The following COL4A4 variants were observed in gnomAD, a reference collection of about 807,000 sequenced individuals.
COL4A4 encodes collagen type IV alpha 4 chain.
A neutral mutation model predicts 192.9 loss-of-function variants in COL4A4; 105 were observed. The ratio of observed to expected loss-of-function variants is 0.54; its 90% CI spans 0.46 to 0.64. COL4A4 has a LOEUF of 0.64. Among genes scored for constraint, COL4A4 ranks in the 30% least tolerant of loss-of-function variants. COL4A4 has a pLI of 0.00. For synonymous variants in COL4A4, 762 were observed against 769.9 expected (o/e 0.99, Z 0.17); for missense variants, 1,967 against 2,169.3 (o/e 0.91, Z 1.85).
At chr2:227,061,709 CAA>C (rs1290968258) in intron 26 of COL4A4, among the ~76,000 whole-genome samples, 1 of 151,960 alleles carries the variant, frequency 6.6e-6, no homozygotes, top group Admixed American at 6.5e-5. Flanking sequence ...TCTAAAGAAA[CAA>C]AGAAGAGTTA....
chr2:227,008,032 ACCC>A lies in COL4A4; in HGVS notation c.4792_4794del (p.Gly1598del). 1 of 1,611,932 alleles carries A rather than the reference ACCC, an allele frequency of 6.2e-7. No homozygotes were observed. The highest frequency in any genetic ancestry group is 8.5e-7 in the Non-Finnish European group (1 of 1,179,994). ...ACGGGACTCACCATCAGGAATGAAT[ACCC>A]GATCCAGAGGCTCCTCCAGGTCTGC... is the stretch of plus-strand genomic sequence containing the variant. On this transcript the variant is annotated inframe_deletion, in exon 47 of 48. Coordinates refer to ENST00000396625, the MANE Select transcript of COL4A4 (RefSeq NM_000092.5).
the COL4A4 span, among the ~76,000 whole-genome samples, chr2:226,986,551 A>G: frequency 6.6e-6 from 1 of 152,250 alleles, no homozygotes; most frequent in African/African-American, 2.4e-5. Context: ...AAAAGAAGAC[A>G]TTTATGTGGC....
intron 35 of COL4A4, among the ~76,000 whole-genome samples, chr2:227,043,528 TAATTA>T (rs1234039507): frequency 6.6e-6 from 1 of 152,212 alleles, no homozygotes; most frequent in African/African-American, 2.4e-5. Context: ...GAGTCAATCT[TAATTA>T]AATTAACTAA....
In COL4A4 at chr2:227,121,109, G is replaced by T. The variant is rs762682812; in HGVS notation, c.232C>A (p.Pro78Thr). The T allele has an allele frequency of 1.2e-5, 20 of 1,613,984 alleles. No individual in the cohort carries two copies. Among genetic ancestry groups the T allele is most frequent in the Non-Finnish European group, 1.6e-5 (19 of 1,180,006 alleles). Residue 78 changes from proline to threonine, a missense_variant, in exon 5 of 48, where the codon CCC (proline) becomes ACC (threonine). By Grantham distance (38) the Pro-to-Thr change is conservative. Coordinates refer to ENST00000396625, the MANE Select transcript of COL4A4 (RefSeq NM_000092.5). Reference sequence around the variant, plus strand: ...CCAATGGGTCCTGGGGCTCCCAGGGGTCCAATTGGACCCTGTGGCCCTGGT... The same window carrying T: ...CCAATGGGTCCTGGGGCTCCCAGGGTTCCAATTGGACCCTGTGGCCCTGGT... The part of the protein sequence containing the change: ...GPPGPQGPIG[P>T]LGAPGPIGLS...
intron 37 of COL4A4, among the ~76,000 whole-genome samples, chr2:227,033,897 G>C (rs1968958340): frequency 1.3e-5 from 1 of 75,760 alleles, no homozygotes; most frequent in African/African-American, 8.6e-5. Flanking sequence ...CCTCCTAGGG[G>C]CTGCAGGCTC....
At chr2:227,128,499 C>G (rs943935131) in intron 4 of COL4A4, among the ~76,000 whole-genome samples, 7 of 152,178 alleles carry the variant, frequency 4.6e-5, no homozygotes, top group Non-Finnish European at 7.3e-5. Context: ...TAATTCATCT[C>G]ACACATTGGG....
the COL4A4 span, chr2:226,988,290 C>G: frequency 1.3e-6 from 2 of 1,534,376 alleles, no homozygotes; most frequent in African/African-American, 2.8e-5. Context: ...AGTCTCTTCC[C>G]CTGTCCTTCC....
rs1474479165 is a variant in COL4A4 at position 227,077,942 on chromosome 2, G to C, written c.1939C>G (p.Pro647Ala). ...PPGERGHPGV[P>A]GHPGVRGPDG... Reference sequence around the variant, plus strand: ...GGGCCCCTCACACCTGGGTGGCCTGGAACTCCTGGGTGGCCTCGCTCTCCT... The same window carrying C: ...GGGCCCCTCACACCTGGGTGGCCTGCAACTCCTGGGTGGCCTCGCTCTCCT... The change falls in exon 25 of 48, where the codon CCA (proline) becomes GCA (alanine). Residue 647 changes from proline to alanine, a missense_variant. Coordinates refer to ENST00000396625, the MANE Select transcript of COL4A4 (RefSeq NM_000092.5). 2 of 1,613,490 alleles carry C rather than the reference G, an allele frequency of 1.2e-6. No individual in the cohort carries two copies. The highest frequency in any genetic ancestry group is 4.5e-5 in the East Asian group (2 of 44,880).
chr2:227,033,539 AGCCACAAACGCAG>A, intron 37 of COL4A4, 58 bp from the exon 38 acceptor site: 1 of 1,484,150 alleles, frequency 6.7e-7, no homozygotes, highest in Non-Finnish European at 9.3e-7. Flanking sequence ...TACTCACTCT[AGCCACAAACGCAG>A]GCACTGCCCA....
rs770315777 is a variant in COL4A4 at position 227,050,110 on chromosome 2, G to T, written c.3172C>A (p.Pro1058Thr). The part of the protein sequence containing the change: ...GDQGEPGSPG[P>T]PGFSGIDGAR... ...CCATCAATTCCTGAAAATCCAGGGG[G>T]ACCTGGAGAACCTGGCTCACCCTGA... Residue 1058 changes from proline to threonine, a missense_variant, in exon 34 of 48, where the codon CCC becomes ACC. Pro to Thr is a conservative substitution (Grantham distance 38). Transcript: ENST00000396625. 9 of 1,614,106 alleles carry T rather than the reference G, an allele frequency of 5.6e-6. No individual in the cohort carries two copies. The highest frequency in any genetic ancestry group is 6.8e-6 in the Non-Finnish European group (8 of 1,179,968).
intron 25 of COL4A4, among the ~76,000 whole-genome samples, chr2:227,075,616 A>G (rs1380081578): frequency 6.6e-6 from 1 of 152,186 alleles, no homozygotes; most frequent in Non-Finnish European, 1.5e-5. Flanking sequence ...CCTATTCAAC[A>G]TAGTATTGGA....
chr2:227,016,172 G>T (rs1232940846), intron 44 of COL4A4, among the ~76,000 whole-genome samples: 1 of 152,094 alleles, frequency 6.6e-6, no homozygotes, highest in African/African-American at 2.4e-5. Flanking sequence ...ATAGGGGCAA[G>T]AGATGCTGCT....
At chr2:227,101,736 A>T (rs987026809) in intron 16 of COL4A4, 129 bp downstream of exon 16, 21 of 1,042,384 alleles carry the variant, frequency 2.0e-5, no homozygotes, top group Non-Finnish European at 2.9e-5. Context: ...TAAATCCTGC[A>T]ATCCATAAAA....
chr2:227,014,978 A>T (rs1180526347), intron 44 of COL4A4, among the ~76,000 whole-genome samples: 1 of 145,392 alleles, frequency 6.9e-6, no homozygotes, highest in African/African-American at 2.6e-5. Flanking sequence ...AGCTCACTGC[A>T]ACCTCCGCCT....
At chr2:227,134,002 C>T (rs2125206916) in intron 4 of COL4A4, among the ~76,000 whole-genome samples, 1 of 152,266 alleles carries the variant, frequency 6.6e-6, no homozygotes, top group African/African-American at 2.4e-5. Context: ...GTTTTTTATT[C>T]TTCAGAAATC....
intron 14 of COL4A4, 128 bp downstream of exon 14, chr2:227,103,016 A>T: frequency 9.5e-7 from 1 of 1,049,484 alleles, no homozygotes; most frequent in Non-Finnish European, 1.5e-6. Context: ...TATTATGATA[A>T]GATAGTGAAA....
At position 227,128,746 on chromosome 2, in the gene COL4A4, A is replaced by G. The variant is rs1004499903; in HGVS notation, c.193-7598T>C. Among the ~76,000 whole-genome samples the G allele has an allele frequency of 1.2e-4, 18 of 151,826 alleles. 1 individual carries two copies. Among genetic ancestry groups the G allele is most frequent in the African/African-American group, 4.4e-4 (18 of 41,292 alleles). On this transcript the variant is annotated intron_variant, in intron 4 of 47. Coordinates refer to ENST00000396625, the MANE Select transcript of COL4A4 (RefSeq NM_000092.5). ...AAGCACCTGGCCCATGGTCTTGTCA[A>G]CTCTCGCACGGGTTCCACAAGCACC...
intron 4 of COL4A4, among the ~76,000 whole-genome samples, chr2:227,131,645 G>A (rs1000874208): frequency 5.3e-5 from 8 of 152,294 alleles, no homozygotes; most frequent in Non-Finnish European, 1.2e-4. Context: ...AAAAAGATAC[G>A]ACATGTCTTA....
the COL4A4 span, among the ~76,000 whole-genome samples, chr2:226,981,732 A>G: frequency 6.6e-6 from 1 of 152,224 alleles, no homozygotes; most frequent in Non-Finnish European, 1.5e-5. Context: ...AATGACCATC[A>G]TACTTCTCAG....
Sources: allele counts gnomAD v4.1 joint callset (sites outside exome capture counted in the v4.1 genomes callset), GRCh38; gene constraint gnomAD v4.1.1; transcripts MANE v1.5; gene names NCBI Gene and HGNC (gene_info 2026-07-23, HGNC 2026-07-21).